Variants in SUMF1 observed in about 807,000 individuals in gnomAD.
SUMF1 encodes the protein sulfatase modifying factor 1, also known as formylglycine-generating enzyme.
SUMF1 carries 48 observed loss-of-function variants against 47.6 expected under a neutral mutation model. The observed-to-expected ratio is 1.01, with a 90% confidence interval of 0.80 to 1.28. The LOEUF (loss-of-function observed/expected upper bound fraction) is 1.28. SUMF1 is among the 50% of genes most tolerant of loss of function. The pLI, the probability that SUMF1 is intolerant of heterozygous loss-of-function variation, is 0.00. For synonymous variants in SUMF1, 230 were observed against 192.1 expected (o/e 1.20, Z -1.63); for missense variants, 571 against 485.4 (o/e 1.18, Z -1.66).
intron 8 of SUMF1, among the ~76,000 whole-genome samples, chr3:4,140,398 C>G (rs138502125): frequency 8.3e-4 from 127 of 152,108 alleles, no homozygotes; most frequent in African/African-American, 2.9e-3. Context: ...GATTCTTACT[C>G]CATTCTTATG....
intron 3 of SUMF1, among the ~76,000 whole-genome samples, chr3:4,438,255 A>G (rs1413796009): frequency 1.3e-5 from 2 of 151,792 alleles, no homozygotes; most frequent in Non-Finnish European, 2.9e-5. Flanking sequence ...TCTCATAGAA[A>G]TACATAGATT....
chr3:4,138,435 C>T (rs781286918), intron 8 of SUMF1, among the ~76,000 whole-genome samples: 50 of 152,204 alleles, frequency 3.3e-4, no homozygotes, highest in Admixed American at 8.5e-4. Flanking sequence ...TTTGGATATT[C>T]CATGTCAATT....
At chr3:4,367,770 C>A (rs1399820318) in intron 8 of SUMF1, among the ~76,000 whole-genome samples, 10 of 151,936 alleles carry the variant, frequency 6.6e-5, no homozygotes, top group African/African-American at 1.4e-4. Context: ...TGCTGGGAAA[C>A]CTGGCTAGCC....
chr3:4,216,656 C>A (rs1695931434), intron 8 of SUMF1, among the ~76,000 whole-genome samples: 3 of 151,964 alleles, frequency 2.0e-5, no homozygotes, highest in Non-Finnish European at 4.4e-5. Context: ...ACAAAGAACT[C>A]AAACAAATTT....
chr3:4,298,019 T>C (rs1037845747), intron 8 of SUMF1, among the ~76,000 whole-genome samples: 2 of 152,196 alleles, frequency 1.3e-5, no homozygotes, highest in African/African-American at 4.8e-5. Context: ...ATGTCAGAGT[T>C]TTATTATATT....
chr3:4,093,194 A>G (rs1692824704), intron 8 of SUMF1, among the ~76,000 whole-genome samples: 1 of 152,162 alleles, frequency 6.6e-6, no homozygotes, highest in Non-Finnish European at 1.5e-5. Context: ...TATGGGGATT[A>G]AGTTAAATAA....
intron 7 of SUMF1, among the ~76,000 whole-genome samples, chr3:4,393,253 C>A (rs543487110): frequency 6.6e-6 from 1 of 152,118 alleles, no homozygotes; most frequent in Non-Finnish European, 1.5e-5. Flanking sequence ...CTTTCAGTGC[C>A]CCCATCCTCC....
intron 8 of SUMF1, among the ~76,000 whole-genome samples, chr3:4,278,662 C>T (rs1482088822): frequency 6.6e-6 from 1 of 152,130 alleles, no homozygotes; most frequent in Non-Finnish European, 1.5e-5. Flanking sequence ...GTGGCACTGT[C>T]ATCAGTCGAA....
intron 8 of SUMF1, among the ~76,000 whole-genome samples, chr3:4,173,218 C>A (rs1231658473): frequency 6.6e-6 from 1 of 152,064 alleles, no homozygotes; most frequent in Non-Finnish European, 1.5e-5. Flanking sequence ...CTATATATCT[C>A]TTTTGGTACC....
At chr3:4,037,439 C>T (rs375803629) in intron 9 of SUMF1, among the ~76,000 whole-genome samples, 7 of 152,278 alleles carry the variant, frequency 4.6e-5, no homozygotes, top group Admixed American at 6.5e-5. Context: ...TAAAATTTCA[C>T]ATATGCCAAT....
chr3:4,340,316 C>T (rs1482162951), intron 8 of SUMF1, among the ~76,000 whole-genome samples: 1 of 152,140 alleles, frequency 6.6e-6, no homozygotes, highest in Non-Finnish European at 1.5e-5. Flanking sequence ...AACTTCTGAC[C>T]ATTCACATTG....
At chr3:4,362,905 T>G (rs1360621310) in intron 8 of SUMF1, among the ~76,000 whole-genome samples, 2 of 151,576 alleles carry the variant, frequency 1.3e-5, no homozygotes, top group Non-Finnish European at 2.9e-5. Context: ...CAGAGCAAGA[T>G]CTTGTGTCCA....
rs555612735 is a variant in SUMF1, at chr3:4,204,523, C to A, written c.1015-135778G>T. On this transcript the variant is annotated intron_variant and NMD_transcript_variant, in intron 8 of 12. Transcript: ENST00000448413. ...TGTGCTTGAATATTGTTATCTCTCTCTAGGTTTGGTAAGTTATTGTTATTA... is the reference window on the plus strand; with the variant it reads ...TGTGCTTGAATATTGTTATCTCTCTATAGGTTTGGTAAGTTATTGTTATTA... Among the ~76,000 whole-genome samples the A allele has an allele frequency of 6.6e-5, 10 of 152,198 alleles. No homozygotes were observed. The South Asian group carries it at 1.2e-3, about 19-fold the overall frequency.
chr3:4,091,146 G>A (rs138685548), intron 8 of SUMF1, among the ~76,000 whole-genome samples: 2 of 151,568 alleles, frequency 1.3e-5, no homozygotes, highest in African/African-American at 2.4e-5. Flanking sequence ...TAGAAGTTTG[G>A]TGATGTTTTG....
rs111609676 is a variant in SUMF1 at position 4,239,331 on chromosome 3, G to A, written c.1014+136999C>T. ...TAAAGAAAGTCAATGGTGGCTTGAC[G>A]GGGATAGCATTGAATCTATAGATTA... On this transcript the variant is annotated intron_variant and NMD_transcript_variant, in intron 8 of 12. Coordinates refer to the SUMF1 transcript ENST00000448413. 3.8e-4 allele frequency among the ~76,000 whole-genome samples: 58 copies of A among 152,212 alleles called. 1 individual carries two copies. Among genetic ancestry groups the A allele is most frequent in the East Asian group, 7.7e-4 (4 of 5,182 alleles).
intron 8 of SUMF1, among the ~76,000 whole-genome samples, chr3:4,267,052 G>T (rs1189464547): frequency 6.6e-6 from 1 of 152,130 alleles, no homozygotes; most frequent in Non-Finnish European, 1.5e-5. Flanking sequence ...TATTGAACCA[G>T]CCTTGCATCC....
At chr3:4,380,126 T>C (rs75723917) in intron 7 of SUMF1, among the ~76,000 whole-genome samples, 4,860 of 151,928 alleles carry the variant, frequency 0.032, 114 homozygotes, top group Non-Finnish European at 0.048. Flanking sequence ...CCTCCTGTGC[T>C]CAAGAGTCTT....
At chr3:4,206,878 A>G (rs1335038024) in intron 8 of SUMF1, among the ~76,000 whole-genome samples, 1 of 151,890 alleles carries the variant, frequency 6.6e-6, no homozygotes, top group African/African-American at 2.4e-5. Flanking sequence ...CTAGTTGTCA[A>G]TTTCTATGAA....
intron 8 of SUMF1, among the ~76,000 whole-genome samples, chr3:4,216,985 A>G (rs959753734): frequency 2.0e-5 from 3 of 152,144 alleles, no homozygotes; most frequent in African/African-American, 7.2e-5. Context: ...AACCAGAAAT[A>G]CCAGTTGACC....
Sources: allele counts gnomAD v4.1 joint callset (sites outside exome capture counted in the v4.1 genomes callset), GRCh38; gene constraint gnomAD v4.1.1; transcripts MANE v1.5; gene names NCBI Gene and HGNC (gene_info 2026-07-23, HGNC 2026-07-21).